Variants in RHBDL2 observed in about 807,000 individuals in gnomAD.
RHBDL2 encodes rhomboid-related protein 2.
Under a neutral mutation model 31.7 loss-of-function variants are expected in RHBDL2, and 26 were observed. The observed-to-expected ratio is 0.82, with a 90% confidence interval of 0.60 to 1.14. The LOEUF (loss-of-function observed/expected upper bound fraction) is 1.14. Ranked by LOEUF, RHBDL2 falls within the 50% of genes most tolerant of loss-of-function variation. The probability of loss-of-function intolerance (pLI) is 0.00; values close to 1 mark genes in which losing one functional copy is unlikely to be tolerated. For missense variants in RHBDL2, 336 were observed against 364.4 expected (o/e 0.92, Z 0.63); for synonymous variants, 123 against 127.2 (o/e 0.97, Z 0.22).
chr1:38,901,697 A>T (rs552149196), intron 4 of RHBDL2, among the ~76,000 whole-genome samples: 63 of 151,240 alleles, frequency 4.2e-4, no homozygotes, highest in African/African-American at 1.5e-3. Flanking sequence ...TTAGCCGGGC[A>T]TGGTGGCACA....
intron 1 of RHBDL2, among the ~76,000 whole-genome samples, chr1:38,938,604 T>G (rs1416656932): frequency 6.6e-6 from 1 of 152,124 alleles, no homozygotes; most frequent in East Asian, 1.9e-4. Flanking sequence ...TTCCTTACTA[T>G]CACATTTGGG....
Position 38,886,653 on chromosome 1 carries a change from A to G in RHBDL2, c.763T>C (p.Phe255Leu). Residue 255 changes from phenylalanine to leucine, a missense_variant, in exon 8 of 8, where the codon TTT becomes CTT. Coordinates refer to ENST00000372990, the MANE Select transcript of RHBDL2 (RefSeq NM_017821.5). ...GTGTAGCCAATGGACATTCCAGCAAATCCACCTGCAATGTGAGCTGCAAAA... is the reference window on the plus strand; with the variant it reads ...GTGTAGCCAATGGACATTCCAGCAAGTCCACCTGCAATGTGAGCTGCAAAA... ...VSFAAHIAGG[F>L]AGMSIGYTVF... 1 of 1,569,584 alleles carries G rather than the reference A, an allele frequency of 6.4e-7. No homozygotes were observed. Among genetic ancestry groups the G allele is most frequent in the Non-Finnish European group, 8.7e-7 (1 of 1,153,488 alleles).
In RHBDL2 at chr1:38,886,587, T is replaced by C. The variant is rs1642787656; in HGVS notation, c.829A>G (p.Arg277Gly). The part of the protein sequence containing the change: ...CFDKALLKDP[R>G]FWIAIAAYLA... ...TATGCAGCAATTGCTATCCAAAACC[T>C]TGGATCTTTCAGCAGTGCTTTATCA... Residue 277 changes from arginine (R) to glycine (G), a missense_variant, in exon 8 of 8, where the codon AGG becomes GGG. Coordinates refer to ENST00000372990, the MANE Select transcript of RHBDL2 (RefSeq NM_017821.5). 1 of 1,608,948 alleles carries C rather than the reference T, an allele frequency of 6.2e-7. No individual in the cohort carries two copies. Among genetic ancestry groups the C allele is most frequent in the Non-Finnish European group, 8.5e-7 (1 of 1,177,078 alleles).
At chr1:38,940,068 C>G (rs1484652389) in intron 1 of RHBDL2, among the ~76,000 whole-genome samples, 1 of 152,176 alleles carries the variant, frequency 6.6e-6, no homozygotes, top group African/African-American at 2.4e-5. Flanking sequence ...AATTCTGGAT[C>G]CATTACTTAT....
chr1:38,911,918 C>G (rs1203232030), intron 3 of RHBDL2, among the ~76,000 whole-genome samples: 1 of 151,442 alleles, frequency 6.6e-6, no homozygotes, highest in Non-Finnish European at 1.5e-5. Flanking sequence ...GCGATTCTCC[C>G]GCTTCAGCCT....
chr1:38,940,971 T>A lies in RHBDL2; in HGVS notation c.-126+711A>T. On this transcript the variant is annotated intron_variant, in intron 1 of 7. Transcript: ENST00000372990. Reference sequence around the variant, plus strand: ...GATATGGGATAAAAAGCCAAGTGTCTTTGTGACTCCAAAATAATTTTCTGC... The same window carrying A: ...GATATGGGATAAAAAGCCAAGTGTCATTGTGACTCCAAAATAATTTTCTGC... 1.3e-5 allele frequency among the ~76,000 whole-genome samples: 2 copies of A among 152,114 alleles called. 1 individual carries two copies. Among genetic ancestry groups the A allele is most frequent in the East Asian group, 3.9e-4 (2 of 5,194 alleles).
chr1:38,925,395 G>A (rs1188608287), intron 1 of RHBDL2, among the ~76,000 whole-genome samples: 1 of 152,094 alleles, frequency 6.6e-6, no homozygotes, highest in Non-Finnish European at 1.5e-5. Context: ...CTACTCGGGA[G>A]GCTGAGACAG....
chr1:38,910,042 A>C (rs1387027044), intron 4 of RHBDL2, among the ~76,000 whole-genome samples: 3 of 152,254 alleles, frequency 2.0e-5, no homozygotes, highest in Non-Finnish European at 4.4e-5. Flanking sequence ...CTATTGACAC[A>C]TGCAACAACC....
intron 1 of RHBDL2, among the ~76,000 whole-genome samples, chr1:38,930,505 A>G (rs959975044): frequency 6.6e-6 from 1 of 152,228 alleles, no homozygotes; most frequent in African/African-American, 2.4e-5. Context: ...AGTAATAATA[A>G]TACACAATGG....
At chr1:38,892,050 A>T (rs1242894760) in intron 6 of RHBDL2, among the ~76,000 whole-genome samples, 1 of 152,120 alleles carries the variant, frequency 6.6e-6, no homozygotes, top group African/African-American at 2.4e-5. Flanking sequence ...ACTCAGCTGC[A>T]CTTCCATCCC....
chr1:38,919,462 C>T, intron 1 of RHBDL2, 125 bp from the exon 2 acceptor site: 10 of 837,904 alleles, frequency 1.2e-5, no homozygotes, highest in Non-Finnish European at 1.7e-5. Context: ...AAATGCAGCT[C>T]TACCATGTAT....
chr1:38,911,012 C>G (rs969011492), intron 4 of RHBDL2, among the ~76,000 whole-genome samples: 1 of 151,910 alleles, frequency 6.6e-6, no homozygotes, highest in African/African-American at 2.4e-5. Context: ...CTCCTGGCCT[C>G]GTGTGATCTA....
chr1:38,915,448 T>C, intron 3 of RHBDL2, 114 bp downstream of exon 3: 2 of 1,042,880 alleles, frequency 1.9e-6, no homozygotes, highest in Non-Finnish European at 2.9e-6. Context: ...TTAGGGTTGC[T>C]GTGAAGATTA....
intron 3 of RHBDL2, among the ~76,000 whole-genome samples, chr1:38,912,990 T>G (rs1481272227): frequency 2.4e-5 from 3 of 125,050 alleles, no homozygotes; most frequent in Admixed American, 8.5e-5. Flanking sequence ...GTGTATTTTT[T>G]TTTTTTTCTT....
At chr1:38,889,353 C>T (rs572626262) in intron 6 of RHBDL2, among the ~76,000 whole-genome samples, 3 of 152,260 alleles carry the variant, frequency 2.0e-5, no homozygotes, top group Admixed American at 1.3e-4. Context: ...CCACCCACCT[C>T]GACCTCCCAA....
intron 2 of RHBDL2, among the ~76,000 whole-genome samples, chr1:38,917,150 T>A (rs1158588634): frequency 6.6e-6 from 1 of 150,966 alleles, no homozygotes; most frequent in African/African-American, 2.4e-5. Context: ...CCCAAGTAGC[T>A]GGGACTACAG....
Position 38,929,406 on chromosome 1 carries a change from C to T in RHBDL2, c.-125-10069G>A, listed in dbSNP as rs768488269. The T allele has an allele frequency of 3.8e-5, 49 of 1,289,376 alleles. No individual in the cohort carries two copies. The East Asian group carries it at 5.0e-4, about 13-fold the overall frequency. 79.9% of individuals were successfully genotyped at this position (1,289,376 alleles called of 1,614,324 possible). On this transcript the variant is annotated intron_variant, in intron 1 of 7. Coordinates refer to ENST00000372990, the MANE Select transcript of RHBDL2 (RefSeq NM_017821.5). ...TAAATCAGGCTCACCTTCCCTTCTTCGCCTCACCCAGGAAGGCCCTGGCAA... is the reference window on the plus strand; with the variant it reads ...TAAATCAGGCTCACCTTCCCTTCTTTGCCTCACCCAGGAAGGCCCTGGCAA...
intron 6 of RHBDL2, among the ~76,000 whole-genome samples, chr1:38,889,113 GAC>G (rs1642822147): frequency 6.6e-6 from 1 of 152,118 alleles, no homozygotes; most frequent in Non-Finnish European, 1.5e-5. Flanking sequence ...GTTTGTTTAT[GAC>G]AGAGTCTCAA....
Position 38,915,729 on chromosome 1 carries a change from A to G in RHBDL2, c.247-19T>C, listed in dbSNP as rs781021105. 6.2e-7 allele frequency: 1 copy of G among 1,613,936 alleles called. No individual in the cohort carries two copies. The highest frequency in any genetic ancestry group is 1.1e-5 in the South Asian group (1 of 91,062). On this transcript the variant is annotated intron_variant, in intron 2 of 7. Transcript: ENST00000372990. ...CTGCCAGCTGATGGAGGGAGCAGACATGAGTATTAACCACACCTTCTCCAG... is the reference window on the plus strand; with the variant it reads ...CTGCCAGCTGATGGAGGGAGCAGACGTGAGTATTAACCACACCTTCTCCAG...
Sources: gnomAD v4.1 joint callset for allele counts (sites outside exome capture counted in the v4.1 genomes callset) on GRCh38, gnomAD v4.1.1 for gene constraint, MANE v1.5 for transcripts, NCBI Gene and HGNC (gene_info 2026-07-23, HGNC 2026-07-21) for gene names.